Variants in SBK1 observed in about 807,000 individuals in gnomAD.
SBK1 encodes serine/threonine-protein kinase SBK1.
A neutral mutation model predicts 24.4 loss-of-function variants in SBK1; 11 were observed. The observed-to-expected ratio is 0.45, with a 90% CI of 0.28 to 0.75. The LOEUF is 0.75. SBK1 is among the 30% of genes least tolerant of loss of function. The probability of loss-of-function intolerance (pLI) is 0.12; values close to 1 mark genes in which losing one functional copy is unlikely to be tolerated. For synonymous variants in SBK1, 308 were observed against 284.4 expected (o/e 1.08, Z -0.83); for missense variants, 467 against 620.5 (o/e 0.75, Z 2.63).
intron 1 of SBK1, among the ~76,000 whole-genome samples, chr16:28,283,881 G>T (rs1301385732): frequency 6.6e-6 from 1 of 152,058 alleles, no homozygotes; most frequent in East Asian, 1.9e-4. Context: ...TTTTTCCCAG[G>T]GTCTTCTCTG....
chr16:28,310,823 G>C (rs2044749059), intron 1 of SBK1, among the ~76,000 whole-genome samples: 1 of 152,174 alleles, frequency 6.6e-6, no homozygotes, highest in Non-Finnish European at 1.5e-5. Flanking sequence ...CTTCATGGTA[G>C]GGATGGGGAA....
intron 1 of SBK1, among the ~76,000 whole-genome samples, chr16:28,311,953 T>C (rs1011105608): frequency 1.3e-5 from 2 of 152,250 alleles, no homozygotes; most frequent in South Asian, 4.1e-4. Flanking sequence ...TTGTAGCCAC[T>C]GGTGGCCACC....
In SBK1 at chr16:28,320,956, C is replaced by T. The variant is rs2044839715; in HGVS notation, c.*35C>T. ...GCCGCCCTCGGACCCGGGAGCAGCC[C>T]GGGCCCGCCCCGAGCCGGTGCCCGG... On this transcript the variant is annotated 3_prime_UTR_variant, in exon 4 of 4. Coordinates refer to ENST00000341901, the MANE Select transcript of SBK1 (RefSeq NM_001024401.3). This position sits in a 1 kb window ranked among gnomAD's most constrained non-coding sequence, Gnocchi z 8.5. The T allele has an allele frequency of 2.2e-6, 3 of 1,352,842 alleles. No homozygotes were observed. Among genetic ancestry groups the T allele is most frequent in the South Asian group, 1.6e-5 (1 of 62,422 alleles). 83.8% of individuals were successfully genotyped at this position (1,352,842 alleles called of 1,614,324 possible).
At chr16:28,303,989 G>C (rs1046179056) in intron 1 of SBK1, among the ~76,000 whole-genome samples, 10 of 152,104 alleles carry the variant, frequency 6.6e-5, no homozygotes, top group African/African-American at 2.2e-4. Context: ...GCTCTGTGGG[G>C]TGGGATGGGG....
At chr16:28,311,411 T>C (rs537458313) in intron 1 of SBK1, among the ~76,000 whole-genome samples, 1 of 151,700 alleles carries the variant, frequency 6.6e-6, no homozygotes, top group Non-Finnish European at 1.5e-5. Flanking sequence ...CTTCAGGAAT[T>C]GAGGAGATAG....
rs35296302 is a variant in SBK1, at chr16:28,261,428, TACACACACACACACACACACAC to T, written c.257+1956_257+1977del. Among the ~76,000 whole-genome samples the T allele has an allele frequency of 7.2e-5, 9 of 124,674 alleles. No individual in the cohort carries two copies. In the South Asian group the frequency reaches 1.4e-3, roughly 19 times the overall value. The allele number at this position is 124,674 out of a possible 152,430, so 81.8% of individuals were successfully genotyped here. A position where few individuals can be genotyped will look rare whatever the true frequency, so the allele number is the denominator to read the frequency against. ...TAGGCAACACAGTGAGACTCCCGTC[TACACACACACACACACACACAC>T]ACACACACACACACACACACACACA... On this transcript the variant is annotated intron_variant, in intron 1 of 3. Coordinates refer to the SBK1 transcript ENST00000671413.
chr16:28,262,388 T>C lies in SBK1; in HGVS notation c.257+2886T>C, dbSNP rs530481072. Among the ~76,000 whole-genome samples, 134 of 152,294 alleles carry C rather than the reference T, an allele frequency of 8.8e-4. 1 individual carries two copies. Among genetic ancestry groups the C allele is most frequent in the Non-Finnish European group, 1.5e-3 (103 of 68,018 alleles). ...CCTGGGGAAGTCACTTCTCTTTGGG[T>C]CTCTGCAAAATTAAAGAGTTGGACT... On this transcript the variant is annotated intron_variant, in intron 1 of 3. Transcript: ENST00000671413.
At chr16:28,298,018 C>T (rs140110392) in intron 1 of SBK1, among the ~76,000 whole-genome samples, 72 of 152,306 alleles carry the variant, frequency 4.7e-4, no homozygotes, top group African/African-American at 1.7e-3. Flanking sequence ...CCACGTGAGG[C>T]GCCTGCTGCC....
chr16:28,270,438 T>TTATTATTAC (rs1352521418), intron 1 of SBK1, among the ~76,000 whole-genome samples: 1 of 136,886 alleles, frequency 7.3e-6, no homozygotes, highest in Non-Finnish European at 1.6e-5. Flanking sequence ...ATTATTATTA[T>TTATTATTAC]TACTAAAGAC....
In SBK1 at chr16:28,262,914, T is replaced by A. The variant is rs1157441684; in HGVS notation, c.257+3412T>A. Among the ~76,000 whole-genome samples the A allele has an allele frequency of 5.3e-5, 8 of 152,252 alleles. No homozygotes were observed. The South Asian group carries it at 1.0e-3, about 20-fold the overall frequency. On this transcript the variant is annotated intron_variant, in intron 1 of 3. Coordinates refer to the SBK1 transcript ENST00000671413. ...GTGATGGAGGAGACTCTGCTCCACG[T>A]GATCTTTCAGGGATCCAGGCTCCTC...
chr16:28,307,633 G>A (rs1287439286), intron 1 of SBK1, among the ~76,000 whole-genome samples: 1 of 151,554 alleles, frequency 6.6e-6, no homozygotes, highest in Non-Finnish European at 1.5e-5. Context: ...CCAGCTACTC[G>A]GGAGGCTGAG....
At chr16:28,291,451 T>C (rs1163767006), upstream of SBK1, 2 of 151,788 alleles carry the variant, frequency 1.3e-5, no homozygotes, top group Non-Finnish European at 2.9e-5. Flanking sequence ...GGCACACGTA[T>C]ACATACGTAA....
chr16:28,273,989 T>TA (rs1188067168), intron 1 of SBK1, among the ~76,000 whole-genome samples: 1 of 152,156 alleles, frequency 6.6e-6, no homozygotes, highest in Non-Finnish European at 1.5e-5. Context: ...ACTCCAGTGA[T>TA]ATGACATTCT....
chr16:28,283,221 G>A (rs1006976312), intron 1 of SBK1, among the ~76,000 whole-genome samples: 4 of 152,106 alleles, frequency 2.6e-5, no homozygotes, highest in South Asian at 2.1e-4. Flanking sequence ...ATGAGCCACC[G>A]CGCCCGACCA....
intron 1 of SBK1, among the ~76,000 whole-genome samples, chr16:28,261,428 T>TACACACACACACACACAC (rs35296302): frequency 4.8e-5 from 6 of 124,674 alleles, no homozygotes; most frequent in African/African-American, 1.9e-4. Context: ...GACTCCCGTC[T>TACACACACACACACACAC]ACACACACAC....
At chr16:28,270,706 A>G (rs976028385) in intron 1 of SBK1, among the ~76,000 whole-genome samples, 11 of 152,122 alleles carry the variant, frequency 7.2e-5, no homozygotes, top group South Asian at 2.1e-4. Context: ...TACAGGCATG[A>G]GCCACTGTGC....
intron 1 of SBK1, among the ~76,000 whole-genome samples, chr16:28,269,481 G>A (rs1399490117): frequency 6.6e-6 from 1 of 152,124 alleles, no homozygotes; most frequent in Non-Finnish European, 1.5e-5. Flanking sequence ...CAGTAGAGAG[G>A]AGAGGAAATA....
chr16:28,318,240 CACCCAGCCAGCCAGG>C (rs2044812038), intron 2 of SBK1, among the ~76,000 whole-genome samples: 1 of 152,220 alleles, frequency 6.6e-6, no homozygotes, highest in Non-Finnish European at 1.5e-5. Context: ...ACAGCCGTGC[CACCCAGCCAGCCAGG>C]GGCTGGGGCT....
chr16:28,295,252 G>A (rs1023192022), intron 1 of SBK1, among the ~76,000 whole-genome samples: 15 of 152,216 alleles, frequency 9.9e-5, no homozygotes, highest in African/African-American at 3.1e-4. Context: ...GAATCAAGTC[G>A]CTGAGTCCAG....
Sources: gnomAD v4.1 joint callset for allele counts (sites outside exome capture counted in the v4.1 genomes callset) on GRCh38, gnomAD v4.1.1 for gene constraint, Gnocchi (gnomAD v3.1) non-coding constraint, MANE v1.5 for transcripts, NCBI Gene and HGNC (gene_info 2026-07-23, HGNC 2026-07-21) for gene names.